SRPX2: variants seen among roughly 807,000 people sequenced by gnomAD.
The protein encoded by SRPX2 is sushi repeat-containing protein SRPX2.
Under a neutral mutation model 45.3 loss-of-function variants are expected in SRPX2, and 26 were observed. That is an observed-to-expected ratio of 0.57 (90% CI 0.42 to 0.80). The LOEUF is 0.80. Among genes scored for constraint, SRPX2 ranks in the 30% least tolerant of loss-of-function variants. SRPX2 has a pLI of 0.00. For synonymous variants in SRPX2, 125 were observed against 143.7 expected (o/e 0.87, Z 0.93); for missense variants, 355 against 399.8 (o/e 0.89, Z 0.95).
intron 3 of SRPX2, among the ~76,000 whole-genome samples, chrX:100,660,272 T>A (rs1258826826): frequency 1.8e-5 from 2 of 111,694 alleles, no homozygotes; most frequent in East Asian, 5.6e-4. Context: ...CACTTCAAAA[T>A]CTTGCCCAGT....
intron 2 of SRPX2, among the ~76,000 whole-genome samples, chrX:100,646,987 T>C: frequency 8.9e-6 from 1 of 112,140 alleles, no homozygotes; most frequent in South Asian, 3.7e-4. Flanking sequence ...CCCAGTTTCT[T>C]CTCATTTGTT....
intron 7 of SRPX2, 150 bp from the exon 8 acceptor site, chrX:100,666,604 A>T: frequency 3.0e-6 from 2 of 673,317 alleles, no homozygotes; most frequent in Non-Finnish European, 4.6e-6. Context: ...GGAAAATTCC[A>T]GCTCTATCCC....
Position 100,662,204 on chromosome X carries a change from C to A in SRPX2, c.192C>A (p.Ile64=), listed in dbSNP as rs2083190511. 3 of 1,209,499 alleles carry A rather than the reference C, an allele frequency of 2.5e-6. No individual in the cohort carries two copies. Among genetic ancestry groups the A allele is most frequent in the Admixed American group, 2.2e-5 (1 of 45,685 alleles). The change falls in exon 4 of 11, where the codon ATC becomes ATA. Residue 64 remains isoleucine, a synonymous_variant. Coordinates refer to ENST00000373004, the MANE Select transcript of SRPX2 (RefSeq NM_014467.3). The stretch of plus-strand genomic sequence containing the variant: ...CCCGATGGTGTTATACATTAAATAT[C>A]CAGGATGGAGAAGCCACATGCTACT... ...RVPRWCYTLN[I]QDGEATCYSP... is the part of the protein sequence containing the mutation.
intron 9 of SRPX2, among the ~76,000 whole-genome samples, chrX:100,668,009 G>A (rs2083210182): frequency 9.0e-6 from 1 of 111,718 alleles, no homozygotes; most frequent in Non-Finnish European, 1.9e-5. Flanking sequence ...CAAAAAAGAA[G>A]GAAAAGCGTT....
At chrX:100,666,662 T>G in intron 7 of SRPX2, 92 bp from the exon 8 acceptor site, 1 of 1,105,436 alleles carries the variant, frequency 9.0e-7, no homozygotes. Flanking sequence ...ATCCTAAGTC[T>G]TCTGATCTAG....
intron 3 of SRPX2, among the ~76,000 whole-genome samples, chrX:100,659,241 A>G (rs1394024970): frequency 8.9e-6 from 1 of 112,069 alleles, no homozygotes; most frequent in African/African-American, 3.2e-5. Context: ...TATAGTTCCC[A>G]GAGACTTCTT....
chrX:100,668,970 A>C (rs545229577), intron 9 of SRPX2, among the ~76,000 whole-genome samples: 2 of 112,183 alleles, frequency 1.8e-5, no homozygotes, highest in Non-Finnish European at 3.8e-5. Context: ...GCAAAGCTAA[A>C]TGATTATGTT....
At chrX:100,665,023 A>G (rs2083199962) in intron 5 of SRPX2, 73 bp downstream of exon 5, 2 of 1,143,557 alleles carry the variant, frequency 1.7e-6, no homozygotes, top group African/African-American at 1.8e-5. Flanking sequence ...AAGATGTGGA[A>G]TTCTCACCAC....
intron 6 of SRPX2, 57 bp downstream of exon 6, chrX:100,665,426 A>G: frequency 1.7e-6 from 2 of 1,206,045 alleles, no homozygotes; most frequent in Non-Finnish European, 2.2e-6. Flanking sequence ...TCAGTCATTC[A>G]GGCTGGTCAC....
chrX:100,653,248 C>T (rs2083159147), intron 3 of SRPX2, among the ~76,000 whole-genome samples: 1 of 111,328 alleles, frequency 9.0e-6, no homozygotes, highest in South Asian at 3.8e-4. Flanking sequence ...AGTATTTCCT[C>T]TCTCCTGAAA....
At chrX:100,661,254 GAAC>G (rs2083186261) in intron 3 of SRPX2, among the ~76,000 whole-genome samples, 1 of 111,786 alleles carries the variant, frequency 8.9e-6, no homozygotes, top group African/African-American at 3.3e-5. Flanking sequence ...TAATGATGCT[GAAC>G]ATCTTTTCAT....
intron 3 of SRPX2, among the ~76,000 whole-genome samples, chrX:100,653,764 A>T: frequency 8.9e-6 from 1 of 111,862 alleles, no homozygotes; most frequent in Non-Finnish European, 1.9e-5. Context: ...GTCTAGACAC[A>T]CTCATTTGGC....
At position 100,671,178 on chromosome X, in the gene SRPX2, T is replaced by C. The variant is rs1323045367; in HGVS notation, c.*191T>C. On this transcript the variant is annotated 3_prime_UTR_variant, in exon 11 of 11. Transcript: ENST00000373004. ...TGTAATAGTTTCCCTAGAAGCTAGGTAGGGACTGAGGACAGGCCTTGGGCA... is the reference window on the plus strand; with the variant it reads ...TGTAATAGTTTCCCTAGAAGCTAGGCAGGGACTGAGGACAGGCCTTGGGCA... The C allele has an allele frequency of 2.0e-6, 1 of 508,829 alleles. No homozygotes were observed. Among genetic ancestry groups the C allele is most frequent in the African/African-American group, 2.3e-5 (1 of 43,046 alleles). 41.9% of individuals were successfully genotyped at this position (508,829 alleles called of 1,213,427 possible). A position where few individuals can be genotyped will look rare whatever the true frequency, so the allele number is the denominator to read the frequency against.
chrX:100,648,376 A>G (rs1325482731), intron 2 of SRPX2, among the ~76,000 whole-genome samples: 1 of 111,803 alleles, frequency 8.9e-6, no homozygotes, highest in Non-Finnish European at 1.9e-5. Flanking sequence ...TGGAGGTTGG[A>G]GGAACCCAGT....
intron 3 of SRPX2, among the ~76,000 whole-genome samples, chrX:100,657,599 C>T (rs1369930975): frequency 9.2e-6 from 1 of 109,105 alleles, no homozygotes; most frequent in Non-Finnish European, 1.9e-5. Flanking sequence ...GATCCGCCTG[C>T]GGAGGCCTCC....
At chrX:100,652,944 G>T (rs994496590) in intron 3 of SRPX2, among the ~76,000 whole-genome samples, 2 of 111,219 alleles carry the variant, frequency 1.8e-5, no homozygotes, top group African/African-American at 3.3e-5. Flanking sequence ...GAAGAAAAAA[G>T]TTCTCTCCCA....
intron 1 of SRPX2, among the ~76,000 whole-genome samples, chrX:100,645,270 C>T (rs2083132138): frequency 8.9e-6 from 1 of 112,021 alleles, no homozygotes; most frequent in African/African-American, 3.3e-5. Flanking sequence ...TGCTGAAATG[C>T]CCAGTGGCCA....
Position 100,651,156 on chromosome X carries a change from T to G in SRPX2, c.163+291T>G, listed in dbSNP as rs2073165. 0.038 allele frequency: 12,427 copies of G among 326,104 alleles called. 414 individuals carry two copies. Among genetic ancestry groups the G allele is most frequent in the East Asian group, 0.12 (2,188 of 18,428 alleles). 26.9% of individuals were successfully genotyped at this position (326,104 alleles called of 1,213,427 possible). On this transcript the variant is annotated intron_variant, in intron 3 of 10. Transcript: ENST00000373004. ...GTAATACAAGGTCTCAGATAGGGTT[T>G]TGTCCCCATCATGTAGCTTATATTC...
At chrX:100,651,404 A>T (rs1021144222) in intron 3 of SRPX2, among the ~76,000 whole-genome samples, 2 of 111,436 alleles carry the variant, frequency 1.8e-5, no homozygotes, top group Non-Finnish European at 3.8e-5. Flanking sequence ...TACGGAAGTA[A>T]GAACAAACCT....
Sources: gnomAD v4.1 joint callset for allele counts (sites outside exome capture counted in the v4.1 genomes callset) on GRCh38, gnomAD v4.1.1 for gene constraint, MANE v1.5 for transcripts, NCBI Gene and HGNC (gene_info 2026-07-23, HGNC 2026-07-21) for gene names.